The following ALOX5 variants were observed in gnomAD, a reference collection of about 807,000 sequenced individuals.
ALOX5 encodes arachidonate 5-lipoxygenase, also known as polyunsaturated fatty acid 5-lipoxygenase.
In ALOX5, 64 loss-of-function variants were observed where a neutral mutation model predicts 87.9. The observed-to-expected ratio is 0.73, with a 90% CI of 0.60 to 0.90. The LOEUF (loss-of-function observed/expected upper bound fraction) is 0.90, where lower values mean the gene tolerates loss of function less well. ALOX5 is among the 40% of genes least tolerant of loss of function. ALOX5 has a pLI of 0.00. For synonymous variants in ALOX5, 388 were observed against 355.1 expected (o/e 1.09, Z -1.04); for missense variants, 822 against 907.5 (o/e 0.91, Z 1.21).
intron 7 of ALOX5, among the ~76,000 whole-genome samples, chr10:45,431,351 A>G (rs12781248): frequency 0.011 from 1,747 of 152,236 alleles, 20 homozygotes; most frequent in Non-Finnish European, 0.014. Context: ...ATATTGTCAA[A>G]GAACAGGGAA....
At chr10:45,406,635 A>G (rs1017007877) in intron 3 of ALOX5, among the ~76,000 whole-genome samples, 1 of 152,108 alleles carries the variant, frequency 6.6e-6, no homozygotes, top group African/African-American at 2.4e-5. Context: ...TCTGAGTAGG[A>G]TATTTTTCTG....
chr10:45,397,153 C>T (rs750524769), intron 3 of ALOX5, among the ~76,000 whole-genome samples: 5 of 152,124 alleles, frequency 3.3e-5, no homozygotes, highest in Admixed American at 6.5e-5. Context: ...GAGGCCAAGG[C>T]GGGTGGATCA....
rs773126441 is a variant in ALOX5, at chr10:45,444,292, G to C, written c.1845+6G>C. ...GCCAGTTCCAGGAAAACGAGGTGAA[G>C]CTGGGCAGGGCGGGGCACAGCCCCA... is the stretch of plus-strand genomic sequence containing the variant. On this transcript the variant is annotated splice_donor_region_variant and intron_variant, in intron 13 of 13. Transcript: ENST00000374391. The C allele has an allele frequency of 6.5e-7, 1 of 1,549,364 alleles. No individual in the cohort carries two copies. The highest frequency in any genetic ancestry group is 2.4e-5 in the East Asian group (1 of 41,610).
intron 2 of ALOX5, among the ~76,000 whole-genome samples, chr10:45,385,552 CTT>C (rs1839980026): frequency 6.6e-6 from 1 of 152,190 alleles, no homozygotes; most frequent in Non-Finnish European, 1.5e-5. Flanking sequence ...CATGTACTGA[CTT>C]ATTCATACCA....
intron 1 of ALOX5, among the ~76,000 whole-genome samples, chr10:45,376,486 C>T (rs1410320062): frequency 6.6e-6 from 1 of 152,176 alleles, no homozygotes; most frequent in African/African-American, 2.4e-5. Flanking sequence ...TCCTCATTCT[C>T]CCAGCTTGGT....
At chr10:45,423,132 C>G (rs75972854) in intron 4 of ALOX5, among the ~76,000 whole-genome samples, 2,016 of 152,312 alleles carry the variant, frequency 0.013, 20 homozygotes, top group Non-Finnish European at 0.02. Context: ...ATTTAGTCCA[C>G]AGCAGAAAAG....
chr10:45,439,629 G>A (rs1842165699), intron 7 of ALOX5, among the ~76,000 whole-genome samples: 1 of 152,230 alleles, frequency 6.6e-6, no homozygotes, highest in African/African-American at 2.4e-5. Flanking sequence ...TGCTGGTGTG[G>A]GGGCACGAAA....
chr10:45,391,501 T>C (rs1370289934), intron 2 of ALOX5, among the ~76,000 whole-genome samples: 2 of 152,132 alleles, frequency 1.3e-5, no homozygotes, highest in African/African-American at 4.8e-5. Flanking sequence ...TTGCAGCCTC[T>C]GCCCGGCCGC....
chr10:45,443,304 C>A, intron 10 of ALOX5, 88 bp downstream of exon 10: 2 of 1,579,842 alleles, frequency 1.3e-6, no homozygotes. Flanking sequence ...CCACCGCTAG[C>A]GCTGAATGGG....
intron 3 of ALOX5, among the ~76,000 whole-genome samples, chr10:45,403,933 A>C (rs886125894): frequency 6.6e-6 from 1 of 152,168 alleles, no homozygotes; most frequent in Non-Finnish European, 1.5e-5. Context: ...TTCTCAGAGC[A>C]CTTCTGGCCT....
At chr10:45,384,674 C>A (rs931934393) in intron 2 of ALOX5, among the ~76,000 whole-genome samples, 1 of 152,070 alleles carries the variant, frequency 6.6e-6, no homozygotes, top group African/African-American at 2.4e-5. Flanking sequence ...GTGGAAGCTG[C>A]CAATCTCTTC....
At chr10:45,390,722 G>T (rs1840188739) in intron 2 of ALOX5, among the ~76,000 whole-genome samples, 1 of 152,182 alleles carries the variant, frequency 6.6e-6, no homozygotes, top group African/African-American at 2.4e-5. Flanking sequence ...AGCACTACAT[G>T]CCCACAAGAG....
intron 2 of ALOX5, among the ~76,000 whole-genome samples, chr10:45,383,748 C>G (rs531041841): frequency 5.9e-5 from 9 of 152,274 alleles, no homozygotes; most frequent in Non-Finnish European, 1.2e-4. Flanking sequence ...TGGAATTTGA[C>G]TTAAGAAACC....
Position 45,382,527 on chromosome 10 carries a change from C to G in ALOX5, c.195C>G (p.Ile65Met). 1 of 1,614,164 alleles carries G rather than the reference C, an allele frequency of 6.2e-7. No individual in the cohort carries two copies. The highest frequency in any genetic ancestry group is 8.5e-7 in the Non-Finnish European group (1 of 1,180,042). ...DVTVDEELGEIQLVRIEKRKY... is the reference protein window; with the variant it reads ...DVTVDEELGEMQLVRIEKRKY... ...CTGTGGACGAGGAACTGGGCGAGAT[C>G]CAGCTGGTCAGAATCGAGAAGCGCA... The change falls in exon 2 of 14, where the codon ATC becomes ATG. Residue 65 changes from isoleucine (I) to methionine (M), a missense_variant. By Grantham distance (10) the Ile-to-Met change is conservative. Transcript: ENST00000374391.
At chr10:45,424,374 C>G (rs1188940281) in intron 5 of ALOX5, among the ~76,000 whole-genome samples, 1 of 152,230 alleles carries the variant, frequency 6.6e-6, no homozygotes, top group Non-Finnish European at 1.5e-5. Flanking sequence ...CAAGCTCGAG[C>G]ACCCTCAACC....
chr10:45,396,104 A>G (rs1486609259), intron 3 of ALOX5, among the ~76,000 whole-genome samples, 168 bp downstream of exon 3: 1 of 152,214 alleles, frequency 6.6e-6, no homozygotes, highest in Non-Finnish European at 1.5e-5. Flanking sequence ...CACCTTACCT[A>G]CAACTCCAGA....
chr10:45,386,504 A>G (rs530369057), intron 2 of ALOX5, among the ~76,000 whole-genome samples: 1 of 151,962 alleles, frequency 6.6e-6, no homozygotes, highest in African/African-American at 2.4e-5. Context: ...AAAATAAAAT[A>G]CAAAGACTCA....
At chr10:45,444,523 C>A (rs1481224536) in intron 13 of ALOX5, 1 of 496,468 alleles carries the variant, frequency 2.0e-6, no homozygotes, top group East Asian at 3.4e-5. Flanking sequence ...TCACTGTCAC[C>A]AGAGGGTCGT....
intron 2 of ALOX5, among the ~76,000 whole-genome samples, chr10:45,394,080 T>C (rs1209317769): frequency 1.3e-5 from 2 of 152,230 alleles, no homozygotes; most frequent in Non-Finnish European, 2.9e-5. Flanking sequence ...CCAATGACTT[T>C]CTTCTCAGAA....
Sources: gnomAD v4.1 joint callset for allele counts (sites outside exome capture counted in the v4.1 genomes callset) on GRCh38, gnomAD v4.1.1 for gene constraint, MANE v1.5 for transcripts, NCBI Gene and HGNC (gene_info 2026-07-23, HGNC 2026-07-21) for gene names.